The following COP1 variants were observed in gnomAD, a reference collection of about 807,000 sequenced individuals.
COP1 encodes COP1 E3 ubiquitin ligase.
Under a neutral mutation model 101.3 loss-of-function variants are expected in COP1, and 24 were observed. That is an observed-to-expected ratio of 0.24 (90% CI 0.17 to 0.33). COP1 has a LOEUF of 0.33. Ranked by LOEUF, COP1 falls within the 10% of genes least tolerant of loss-of-function variation. The pLI is 1.00. For missense variants in COP1, 663 were observed against 906.2 expected (o/e 0.73, Z 3.45); for synonymous variants, 347 against 341.9 (o/e 1.01, Z -0.17).
chr1:176,136,702 A>C (rs1689847657), intron 6 of COP1, among the ~76,000 whole-genome samples, 155 bp from the exon 7 acceptor site: 1 of 152,182 alleles, frequency 6.6e-6, no homozygotes, highest in Non-Finnish European at 1.5e-5. Flanking sequence ...AACCATCAAC[A>C]AAATATAGCT....
At chr1:176,174,557 TC>T (rs1246900623) in intron 3 of COP1, among the ~76,000 whole-genome samples, 1 of 60,654 alleles carries the variant, frequency 1.6e-5, no homozygotes, top group Non-Finnish European at 5.3e-5. Flanking sequence ...CGATTTTCCT[TC>T]ATAAAAAAAA....
chr1:176,032,722 A>G (rs1668839438), intron 14 of COP1, among the ~76,000 whole-genome samples: 1 of 152,090 alleles, frequency 6.6e-6, no homozygotes, highest in Non-Finnish European at 1.5e-5. Context: ...TAGAGGCTAC[A>G]GAGTCTTTTA....
intron 15 of COP1, among the ~76,000 whole-genome samples, chr1:176,013,143 T>C (rs1236382284): frequency 6.6e-6 from 1 of 152,182 alleles, no homozygotes; most frequent in Non-Finnish European, 1.5e-5. Flanking sequence ...ATAATTGTTA[T>C]ACTGTATTTC....
intron 18 of COP1, among the ~76,000 whole-genome samples, chr1:175,961,868 T>C (rs1045714946): frequency 1.3e-4 from 19 of 151,280 alleles, no homozygotes; most frequent in African/African-American, 4.4e-4. Context: ...AAGATGGATA[T>C]GTTAGGCAAA....
intron 15 of COP1, among the ~76,000 whole-genome samples, chr1:176,023,925 C>T (rs1190156746): frequency 1.3e-5 from 2 of 152,004 alleles, no homozygotes. Context: ...TCTTTAAACC[C>T]AGTAGCTCTT....
intron 18 of COP1, among the ~76,000 whole-genome samples, chr1:175,985,685 ATTCTTTCCTGTCTTGT>A (rs1558212720): frequency 6.6e-6 from 1 of 152,186 alleles, no homozygotes; most frequent in Non-Finnish European, 1.5e-5. Flanking sequence ...AAATCTGGTA[ATTCTTTCCTGTCTTGT>A]TTGCTTTCCA....
At chr1:176,125,981 TATAAATAAGA>T (rs1200961029) in intron 8 of COP1, among the ~76,000 whole-genome samples, 1 of 152,234 alleles carries the variant, frequency 6.6e-6, no homozygotes, top group African/African-American at 2.4e-5. Context: ...TTTGTGGCTT[TATAAATAAGA>T]ATATATTTTT....
chr1:175,999,082 G>A (rs572689527), intron 15 of COP1, among the ~76,000 whole-genome samples: 25 of 152,064 alleles, frequency 1.6e-4, no homozygotes, highest in Admixed American at 5.2e-4. Context: ...TTCAACCCAT[G>A]ATGGTATGAG....
At chr1:176,112,439 A>G (rs774541064) in intron 9 of COP1, among the ~76,000 whole-genome samples, 3 of 152,140 alleles carry the variant, frequency 2.0e-5, no homozygotes, top group Non-Finnish European at 4.4e-5. Flanking sequence ...AAAAGTTGCT[A>G]TATCATGGTT....
At chr1:176,017,653 T>G (rs373134757) in intron 15 of COP1, 2 of 152,394 alleles carry the variant, frequency 1.3e-5, no homozygotes, top group African/African-American at 2.4e-5. Context: ...GCCACCCAAG[T>G]AGCTGGGACC....
intron 8 of COP1, among the ~76,000 whole-genome samples, chr1:176,133,299 T>C (rs771436746): frequency 2.4e-4 from 37 of 151,504 alleles, no homozygotes; most frequent in Non-Finnish European, 4.4e-4. Flanking sequence ...CATATATATG[T>C]GAAAAACCAA....
chr1:176,079,637 T>TA lies in COP1; in HGVS notation c.1277+1514dup, dbSNP rs200465038. ...GCTTATGTACCCTTTAATCTATAAT[T>TA]AAAAAAAAAAGGTTCAAGGTATTAA... On this transcript the variant is annotated intron_variant, in intron 11 of 19. Coordinates refer to ENST00000367669, the MANE Select transcript of COP1 (RefSeq NM_022457.7). Among the ~76,000 whole-genome samples, 538 of 142,276 alleles carry TA rather than the reference T, an allele frequency of 3.8e-3. 4 individuals carry two copies. Among genetic ancestry groups the TA allele is most frequent in the East Asian group, 0.027 (135 of 4,994 alleles). 93.3% of individuals were successfully genotyped at this position (142,276 alleles called of 152,430 possible). A position where few individuals can be genotyped will look rare whatever the true frequency, so the allele number is the denominator to read the frequency against.
chr1:176,120,941 G>A (rs1012405619), intron 8 of COP1, among the ~76,000 whole-genome samples: 4 of 152,060 alleles, frequency 2.6e-5, no homozygotes, highest in Non-Finnish European at 4.4e-5. Flanking sequence ...AGCACACTGA[G>A]ATCATTTTAG....
At chr1:176,072,184 A>G (rs1677121235) in intron 11 of COP1, among the ~76,000 whole-genome samples, 2 of 152,196 alleles carry the variant, frequency 1.3e-5, no homozygotes, top group African/African-American at 2.4e-5. Context: ...GTAATTCACA[A>G]ACTTCTTTTA....
At position 176,021,888 on chromosome 1, in the gene COP1, G is replaced by A. The variant is rs114068014; in HGVS notation, c.1729+5684C>T. On this transcript the variant is annotated intron_variant, in intron 15 of 19. Coordinates refer to ENST00000367669, the MANE Select transcript of COP1 (RefSeq NM_022457.7). ...TAATCTATGTCTGATTGAAAACAACGTGGATTTCTCTAGCTGACAGATTCC... is the reference window on the plus strand; with the variant it reads ...TAATCTATGTCTGATTGAAAACAACATGGATTTCTCTAGCTGACAGATTCC... 8.5e-4 allele frequency among the ~76,000 whole-genome samples: 130 copies of A among 152,282 alleles called. 1 individual carries two copies. The Middle Eastern group carries it at 0.01, about 12-fold the overall frequency.
chr1:176,032,781 G>A (rs72713272), intron 14 of COP1, among the ~76,000 whole-genome samples: 4,933 of 151,932 alleles, frequency 0.032, 144 homozygotes, highest in Non-Finnish European at 0.045. Context: ...ATGAAGCCTG[G>A]AACAAGGTAG....
chr1:175,997,521 G>A (rs945436741), intron 15 of COP1, among the ~76,000 whole-genome samples: 27 of 152,054 alleles, frequency 1.8e-4, no homozygotes, highest in South Asian at 8.3e-4. Context: ...CTAATATCCA[G>A]AATCTACAAT....
chr1:176,084,193 T>G lies in COP1; in HGVS notation c.1141+1583A>C, dbSNP rs1679694641. ...TTAACATGAACTCTACCAGTCAGAATGCAGGTATTGGGCTACTTTCAACTT... is the reference window on the plus strand; with the variant it reads ...TTAACATGAACTCTACCAGTCAGAAGGCAGGTATTGGGCTACTTTCAACTT... On this transcript the variant is annotated intron_variant, in intron 10 of 19. Coordinates refer to ENST00000367669, the MANE Select transcript of COP1 (RefSeq NM_022457.7). Among the ~76,000 whole-genome samples, 3 of 152,192 alleles carry G rather than the reference T, an allele frequency of 2.0e-5. No homozygotes were observed. The South Asian group carries it at 6.2e-4, about 32-fold the overall frequency.
chr1:176,111,043 T>G (rs1685193306), intron 9 of COP1, among the ~76,000 whole-genome samples: 1 of 151,950 alleles, frequency 6.6e-6, no homozygotes, highest in Non-Finnish European at 1.5e-5. Flanking sequence ...CCCCAGCTAC[T>G]TGGGAGGCTG....
Sources: allele counts gnomAD v4.1 joint callset (sites outside exome capture counted in the v4.1 genomes callset), GRCh38; gene constraint gnomAD v4.1.1; transcripts MANE v1.5; gene names NCBI Gene and HGNC (gene_info 2026-07-23, HGNC 2026-07-21).